Variants in NAV3 observed in about 807,000 individuals in gnomAD.
The protein encoded by NAV3 is pore membrane and/or filament interacting like protein 1.
NAV3 carries 87 observed loss-of-function variants against 244.7 expected under a neutral mutation model. That is an observed-to-expected ratio of 0.36 (90% CI 0.30 to 0.42). The LOEUF (loss-of-function observed/expected upper bound fraction) is 0.42. NAV3 is among the 20% of genes least tolerant of loss of function. The pLI is 1.00. For missense variants in NAV3, 2,663 were observed against 2,893.3 expected, an observed-to-expected ratio of 0.92 and a Z score of 1.83; for synonymous variants, 1,126 against 1,042.2, an observed-to-expected ratio of 1.08 and a Z score of -1.55.
At chr12:78,193,822 A>G (rs1959085519) in intron 34 of NAV3, among the ~76,000 whole-genome samples, 2 of 152,132 alleles carry the variant, frequency 1.3e-5, no homozygotes, top group African/African-American at 2.4e-5. Context: ...CATTATAATT[A>G]GAACCTAAAG....
At chr12:78,201,914 A>G (rs141388026) in intron 38 of NAV3, among the ~76,000 whole-genome samples, 3 of 151,816 alleles carry the variant, frequency 2.0e-5, no homozygotes, top group Admixed American at 6.6e-5. Context: ...CTCTTTATCT[A>G]TTGAATGGCA....
At chr12:77,676,126 C>T (rs538419877) in intron 2 of NAV3, among the ~76,000 whole-genome samples, 50 of 151,746 alleles carry the variant, frequency 3.3e-4, no homozygotes, top group Admixed American at 1.2e-3. Flanking sequence ...ATGTGCTGAA[C>T]GTGCAGGTTT....
chr12:77,879,221 T>A (rs1882276894), intron 1 of NAV3, among the ~76,000 whole-genome samples: 1 of 152,288 alleles, frequency 6.6e-6, no homozygotes, highest in Non-Finnish European at 1.5e-5. Context: ...ACATCTGCAT[T>A]GAACCATGCG....
intron 31 of NAV3, 57 bp from the exon 32 acceptor site, chr12:78,188,188 TGTA>T (rs1420056431): frequency 8.2e-7 from 1 of 1,225,958 alleles, no homozygotes; most frequent in African/African-American, 1.5e-5. Flanking sequence ...TAGTAGAAAA[TGTA>T]GTAATAAAAA....
chr12:77,940,968 A>G (rs915448231), intron 2 of NAV3, 113 bp from the exon 3 acceptor site: 6 of 691,000 alleles, frequency 8.7e-6, no homozygotes, highest in Non-Finnish European at 1.5e-5. Flanking sequence ...TATATGTAGC[A>G]GGAGCATTTT....
At chr12:77,946,209 A>G (rs919467206) in intron 3 of NAV3, among the ~76,000 whole-genome samples, 3 of 147,170 alleles carry the variant, frequency 2.0e-5, no homozygotes, top group Non-Finnish European at 4.5e-5. Context: ...TGCTATATAC[A>G]TACACATATA....
At chr12:77,977,230 T>G (rs1868610834) in intron 5 of NAV3, among the ~76,000 whole-genome samples, 1 of 152,116 alleles carries the variant, frequency 6.6e-6, no homozygotes, top group African/African-American at 2.4e-5. Context: ...GTAGTTGCTA[T>G]GATAACTTGA....
At chr12:78,153,909 G>T (rs1373638168) in intron 22 of NAV3, among the ~76,000 whole-genome samples, 1 of 150,994 alleles carries the variant, frequency 6.6e-6, no homozygotes, top group Non-Finnish European at 1.5e-5. Flanking sequence ...ACAATTTTTT[G>T]TAGTGGAAAA....
At chr12:77,592,496 G>A (rs1315943507) in intron 2 of NAV3, among the ~76,000 whole-genome samples, 1 of 152,104 alleles carries the variant, frequency 6.6e-6, no homozygotes, top group Non-Finnish European at 1.5e-5. Context: ...GTAGCTCCCT[G>A]CCCTTTACTT....
At chr12:78,127,872 T>C (rs1163617458) in intron 17 of NAV3, among the ~76,000 whole-genome samples, 1 of 152,158 alleles carries the variant, frequency 6.6e-6, no homozygotes, top group Non-Finnish European at 1.5e-5. Context: ...AAAATAATTA[T>C]TCCATCCATA....
intron 22 of NAV3, among the ~76,000 whole-genome samples, chr12:78,158,069 T>A (rs1957381227): frequency 6.6e-6 from 1 of 152,188 alleles, no homozygotes; most frequent in Non-Finnish European, 1.5e-5. Flanking sequence ...GCTTTAATTC[T>A]TTGTATTTTT....
intron 2 of NAV3, among the ~76,000 whole-genome samples, chr12:77,815,498 G>T (rs1049612422): frequency 6.6e-6 from 1 of 152,180 alleles, no homozygotes; most frequent in South Asian, 2.1e-4. Flanking sequence ...CAGGCTAAGG[G>T]TCTCTACTAT....
intron 1 of NAV3, among the ~76,000 whole-genome samples, chr12:77,880,220 G>A (rs910246714): frequency 6.6e-6 from 1 of 152,104 alleles, no homozygotes; most frequent in African/African-American, 2.4e-5. Context: ...GCACAATTCT[G>A]TTTCTCTTAT....
chr12:78,092,837 C>G (rs112304254), intron 12 of NAV3, among the ~76,000 whole-genome samples: 2 of 152,044 alleles, frequency 1.3e-5, no homozygotes, highest in African/African-American at 2.4e-5. Flanking sequence ...TCCATATTCG[C>G]TTGGGTCTTC....
intron 2 of NAV3, among the ~76,000 whole-genome samples, chr12:77,749,816 T>C (rs575699692): frequency 6.6e-6 from 1 of 152,298 alleles, no homozygotes; most frequent in Non-Finnish European, 1.5e-5. Flanking sequence ...TCGCTGTATA[T>C]ATCAGAGTGG....
At chr12:78,185,971 G>T (rs1332374996) in intron 31 of NAV3, among the ~76,000 whole-genome samples, 1 of 151,770 alleles carries the variant, frequency 6.6e-6, no homozygotes, top group African/African-American at 2.4e-5. Context: ...TATTTCTTTG[G>T]CAAACATCTT....
intron 1 of NAV3, among the ~76,000 whole-genome samples, chr12:77,892,054 G>T (rs1592915444): frequency 1.3e-5 from 2 of 152,116 alleles, no homozygotes; most frequent in Admixed American, 1.3e-4. Flanking sequence ...TATTTGACAT[G>T]GAACACTTTT....
At chr12:77,864,387 A>C (rs1192536033) in intron 1 of NAV3, among the ~76,000 whole-genome samples, 1 of 151,454 alleles carries the variant, frequency 6.6e-6, no homozygotes, top group Non-Finnish European at 1.5e-5. Context: ...TCTGATTTAA[A>C]CCCCCTTTAA....
chr12:78,124,008 C>G (rs936182654), intron 16 of NAV3, among the ~76,000 whole-genome samples: 1 of 152,286 alleles, frequency 6.6e-6, no homozygotes. Context: ...ATTGTATGCT[C>G]ATATGTAAGG....
Sources: gnomAD v4.1 joint callset for allele counts (sites outside exome capture counted in the v4.1 genomes callset) on GRCh38, gnomAD v4.1.1 for gene constraint, MANE v1.5 for transcripts, NCBI Gene and HGNC (gene_info 2026-07-23, HGNC 2026-07-21) for gene names.